Variants in PDCD10 observed in about 807,000 individuals in gnomAD.
PDCD10 encodes programmed cell death protein 10.
In PDCD10, 4 loss-of-function variants were observed where a neutral mutation model predicts 29.2. The observed-to-expected ratio is 0.14, with a 90% CI of 0.07 to 0.31. The LOEUF is 0.31. PDCD10 is among the 10% of genes least tolerant of loss of function. The pLI, the probability that PDCD10 is intolerant of heterozygous loss-of-function variation, is 1.00. For missense variants in PDCD10, 183 were observed against 257.9 expected (o/e 0.71, Z 1.99); for synonymous variants, 70 against 82.2 (o/e 0.85, Z 0.80).
intron 6 of PDCD10, among the ~76,000 whole-genome samples, chr3:167,690,675 T>C (rs1344166992): frequency 6.6e-6 from 1 of 152,212 alleles, no homozygotes; most frequent in Non-Finnish European, 1.5e-5. Context: ...CTGGATCATT[T>C]TTCCTTATCA....
chr3:167,727,726 G>C (rs958055614), intron 2 of PDCD10, among the ~76,000 whole-genome samples: 5 of 152,178 alleles, frequency 3.3e-5, no homozygotes, highest in African/African-American at 1.2e-4. Flanking sequence ...CCCTGGATCA[G>C]AGCTACTTGC....
chr3:167,692,380 G>T (rs1416332170), intron 6 of PDCD10, among the ~76,000 whole-genome samples: 1 of 152,120 alleles, frequency 6.6e-6, no homozygotes, highest in Non-Finnish European at 1.5e-5. Context: ...ACAAAGTTTT[G>T]ATTGTGTTTT....
Position 167,697,023 on chromosome 3 carries a change from G to A in PDCD10, c.254C>T (p.Ala85Val), listed in dbSNP as rs1218260194. 5 of 1,561,636 alleles carry A rather than the reference G, an allele frequency of 3.2e-6. No individual in the cohort carries two copies. ...NFTESLLRMAADDVEEYMIER... is the reference protein window; with the variant it reads ...NFTESLLRMAVDDVEEYMIER... ...CTGTCCGTTACCTTCTACATCATCA[G>A]CTGCCATACGAAGAAGGGACTCCGT... Residue 85 changes from alanine (A) to valine (V), a missense_variant, in exon 5 of 9, where the codon GCT becomes GTT. Coordinates refer to ENST00000392750, the MANE Select transcript of PDCD10 (RefSeq NM_007217.4).
At chr3:167,722,985 A>G (rs993889283) in intron 2 of PDCD10, among the ~76,000 whole-genome samples, 4 of 152,230 alleles carry the variant, frequency 2.6e-5, no homozygotes, top group South Asian at 2.1e-4. Context: ...CATGGGCTAC[A>G]TAAGTGGCTG....
intron 8 of PDCD10, among the ~76,000 whole-genome samples, chr3:167,684,763 T>G (rs1018404960): frequency 6.6e-6 from 1 of 152,124 alleles, no homozygotes; most frequent in Non-Finnish European, 1.5e-5. Flanking sequence ...ATCTCAAAAT[T>G]TGTAATTAAT....
chr3:167,731,297 G>A (rs1384408773), intron 2 of PDCD10, among the ~76,000 whole-genome samples: 1 of 152,184 alleles, frequency 6.6e-6, no homozygotes, highest in East Asian at 1.9e-4. Flanking sequence ...AAGCAGGACA[G>A]TGATAAGTCT....
At chr3:167,720,798 A>G (rs562587182) in intron 2 of PDCD10, among the ~76,000 whole-genome samples, 2 of 152,232 alleles carry the variant, frequency 1.3e-5, no homozygotes, top group Admixed American at 6.5e-5. Flanking sequence ...CACAAACATA[A>G]CAAGCACCAA....
At chr3:167,718,121 A>T (rs1723193962) in intron 3 of PDCD10, among the ~76,000 whole-genome samples, 1 of 152,122 alleles carries the variant, frequency 6.6e-6, no homozygotes, top group Admixed American at 6.6e-5. Flanking sequence ...TGAGAAGGTC[A>T]AACTAAATTG....
chr3:167,690,333 A>G (rs1186168409), intron 6 of PDCD10, among the ~76,000 whole-genome samples: 1 of 152,236 alleles, frequency 6.6e-6, no homozygotes, highest in African/African-American at 2.4e-5. Context: ...TGCACTAATG[A>G]AAGGGAATCC....
rs1254756693 is a variant in PDCD10 at position 167,683,378 on chromosome 3, T to C, written c.*930A>G. Reference sequence around the variant, plus strand: ...ACTTGATACATAATTTCCTTAAAACTTCTCTATGGTGAAATAAAACTGTAC... The same window carrying C: ...ACTTGATACATAATTTCCTTAAAACCTCTCTATGGTGAAATAAAACTGTAC... On this transcript the variant is annotated 3_prime_UTR_variant, in exon 9 of 9. Coordinates refer to ENST00000392750, the MANE Select transcript of PDCD10 (RefSeq NM_007217.4). 1.3e-5 allele frequency: 2 copies of C among 152,052 alleles called. No individual in the cohort carries two copies. The highest frequency in any genetic ancestry group is 2.9e-5 in the Non-Finnish European group (2 of 67,942). 9.4% of individuals were successfully genotyped at this position (152,052 alleles called of 1,614,324 possible).
intron 3 of PDCD10, among the ~76,000 whole-genome samples, chr3:167,712,672 C>A (rs1577354648): frequency 6.6e-6 from 1 of 151,644 alleles, no homozygotes; most frequent in Non-Finnish European, 1.5e-5. Flanking sequence ...AAAAGAGTGG[C>A]AAATGGATTA....
intron 2 of PDCD10, among the ~76,000 whole-genome samples, chr3:167,727,476 T>C (rs1402791954): frequency 6.6e-6 from 1 of 152,246 alleles, no homozygotes; most frequent in Non-Finnish European, 1.5e-5. Context: ...TGTTCATCTT[T>C]TGCCCATAAA....
intron 2 of PDCD10, among the ~76,000 whole-genome samples, chr3:167,729,841 C>T (rs1349514708): frequency 3.9e-5 from 6 of 152,158 alleles, no homozygotes. Context: ...ATGTTAGTGA[C>T]TACCACTTAA....
At chr3:167,697,496 A>G (rs920703619) in intron 4 of PDCD10, among the ~76,000 whole-genome samples, 2 of 152,060 alleles carry the variant, frequency 1.3e-5, no homozygotes, top group African/African-American at 4.8e-5. Flanking sequence ...GCTTTTTTTA[A>G]TGTGCTAATA....
intron 4 of PDCD10, among the ~76,000 whole-genome samples, chr3:167,699,268 A>G (rs747401963): frequency 6.6e-6 from 1 of 152,200 alleles, no homozygotes; most frequent in Non-Finnish European, 1.5e-5. Flanking sequence ...ATCTAACACC[A>G]ATGAAAGCAG....
At chr3:167,712,757 C>T (rs930309058) in intron 3 of PDCD10, among the ~76,000 whole-genome samples, 2 of 151,336 alleles carry the variant, frequency 1.3e-5, no homozygotes, top group African/African-American at 2.4e-5. Context: ...AATAAAGAGA[C>T]GAAAAAAGAT....
intron 2 of PDCD10, among the ~76,000 whole-genome samples, chr3:167,727,693 T>G (rs1724353188): frequency 6.6e-6 from 1 of 152,224 alleles, no homozygotes; most frequent in Non-Finnish European, 1.5e-5. Flanking sequence ...TGCTTAAAGG[T>G]ACAATTAAAA....
At chr3:167,700,693 AAAAGG>A (rs1304757678) in intron 4 of PDCD10, among the ~76,000 whole-genome samples, 1 of 152,218 alleles carries the variant, frequency 6.6e-6, no homozygotes, top group African/African-American at 2.4e-5. Flanking sequence ...AACTTAAAGC[AAAAGG>A]AAAGTCTAAA....
At chr3:167,686,993 C>G (rs904254828) in intron 8 of PDCD10, among the ~76,000 whole-genome samples, 11 of 152,136 alleles carry the variant, frequency 7.2e-5, no homozygotes, top group Admixed American at 6.6e-5. Flanking sequence ...ACAGGCCCAC[C>G]AAATCTAACA....
Sources: gnomAD v4.1 joint callset for allele counts (sites outside exome capture counted in the v4.1 genomes callset) on GRCh38, gnomAD v4.1.1 for gene constraint, MANE v1.5 for transcripts, NCBI Gene and HGNC (gene_info 2026-07-23, HGNC 2026-07-21) for gene names.